ZBTB44: variants seen among roughly 807,000 people sequenced by gnomAD.
ZBTB44 encodes zinc finger and BTB domain containing 44.
Under a neutral mutation model 54.0 loss-of-function variants are expected in ZBTB44, and 15 were observed. That is an observed-to-expected ratio of 0.28 (90% confidence interval 0.19 to 0.43). The LOEUF is 0.43. ZBTB44 is among the 20% of genes least tolerant of loss of function. ZBTB44 has a pLI of 1.00. For synonymous variants in ZBTB44, 230 were observed against 250.1 expected (o/e 0.92, Z 0.76); for missense variants, 487 against 707.1 (o/e 0.69, Z 3.53).
rs1370429200 is a variant in ZBTB44, at chr11:130,314,495, C to T, written c.-177G>A. On this transcript the variant is annotated 5_prime_UTR_variant, in exon 1 of 8. Coordinates refer to ENST00000357899, the MANE Select transcript of ZBTB44 (RefSeq NM_001301098.2). Reference sequence around the variant, plus strand: ...GAGGGGGCGGAGCGCGGCTCGCTGCCTCTCTCCTCCCCCGGGAGGCTCAGG... The same window carrying T: ...GAGGGGGCGGAGCGCGGCTCGCTGCTTCTCTCCTCCCCCGGGAGGCTCAGG... 9.3e-5 allele frequency: 14 copies of T among 150,540 alleles called. No individual in the cohort carries two copies. Among genetic ancestry groups the T allele is most frequent in the African/African-American group, 3.5e-4 (14 of 40,514 alleles). 9.3% of individuals were successfully genotyped at this position (150,540 alleles called of 1,614,324 possible). A position where few individuals can be genotyped will look rare whatever the true frequency, so the allele number is the denominator to read the frequency against.
At chr11:130,268,918 T>C (rs1939468922) in intron 1 of ZBTB44, among the ~76,000 whole-genome samples, 1 of 150,606 alleles carries the variant, frequency 6.6e-6, no homozygotes, top group South Asian at 2.1e-4. Flanking sequence ...AAAAAGAAAA[T>C]GTCATACATA....
intron 1 of ZBTB44, among the ~76,000 whole-genome samples, chr11:130,293,063 C>G (rs1439328380): frequency 6.6e-6 from 1 of 152,120 alleles, no homozygotes; most frequent in Admixed American, 6.6e-5. Context: ...CTGAACACTA[C>G]TGAAAGTGTT....
rs184408870 is a variant in ZBTB44 at position 130,233,687 on chromosome 11, T to A, written c.1687-305A>T. 5.0e-3 allele frequency: 6,202 copies of A among 1,241,904 alleles called. 29 individuals are homozygous for A. Among genetic ancestry groups the A allele is most frequent in the African/African-American group, 0.019 (1,212 of 64,396 alleles). The allele number at this position is 1,241,904 out of a possible 1,614,324, so 76.9% of individuals were successfully genotyped here. On this transcript the variant is annotated intron_variant, in intron 6 of 7. Coordinates refer to ENST00000357899, the MANE Select transcript of ZBTB44 (RefSeq NM_001301098.2). ...ATCTGATTTCCTCTCTAGCTAATGA[T>A]CTGTTGTTAGCCTACTTTTAACAAT...
chr11:130,242,667 TC>T (rs1473787965), intron 2 of ZBTB44, among the ~76,000 whole-genome samples: 1 of 152,230 alleles, frequency 6.6e-6, no homozygotes, highest in African/African-American at 2.4e-5. Flanking sequence ...GAGGATATCA[TC>T]CCACTGGTTT....
chr11:130,286,196 C>G (rs1765874194), intron 1 of ZBTB44, among the ~76,000 whole-genome samples: 1 of 151,966 alleles, frequency 6.6e-6, no homozygotes, highest in Non-Finnish European at 1.5e-5. Context: ...AAAAAATCAC[C>G]AATGGGCCAG....
At chr11:130,259,928 T>C (rs1938733345) in intron 2 of ZBTB44, among the ~76,000 whole-genome samples, 1 of 151,722 alleles carries the variant, frequency 6.6e-6, no homozygotes, top group African/African-American at 2.4e-5. Flanking sequence ...GTTCTGCACA[T>C]GTACCCCAGA....
In ZBTB44 at chr11:130,229,954, A is replaced by T. The variant is rs1373597377; in HGVS notation, c.*1810T>A. On this transcript the variant is annotated 3_prime_UTR_variant, in exon 8 of 8. Coordinates refer to ENST00000357899, the MANE Select transcript of ZBTB44 (RefSeq NM_001301098.2). ...ACTTGGATGTGTATTTCAGAATTAC[A>T]GCTTCATACTTTGCAGATGACTGAA... 6.6e-6 allele frequency: 1 copy of T among 152,096 alleles called. No homozygotes were observed. Among genetic ancestry groups the T allele is most frequent in the Non-Finnish European group, 1.5e-5 (1 of 67,976 alleles). 9.4% of individuals were successfully genotyped at this position (152,096 alleles called of 1,614,324 possible). A position where few individuals can be genotyped will look rare whatever the true frequency, so the allele number is the denominator to read the frequency against.
At chr11:130,296,913 A>C in intron 1 of ZBTB44, 1 of 733,376 alleles carries the variant, frequency 1.4e-6, no homozygotes, top group Non-Finnish European at 2.5e-6. Flanking sequence ...TGTTGATCTG[A>C]ATGTCAATGG....
chr11:130,269,062 G>A (rs1459450040), intron 1 of ZBTB44, among the ~76,000 whole-genome samples: 5 of 150,778 alleles, frequency 3.3e-5, no homozygotes, highest in African/African-American at 1.2e-4. Flanking sequence ...AGGCCAAAGC[G>A]GGTGGATCAC....
At chr11:130,244,841 T>C (rs1233192605) in intron 2 of ZBTB44, among the ~76,000 whole-genome samples, 1 of 152,150 alleles carries the variant, frequency 6.6e-6, no homozygotes, top group East Asian at 1.9e-4. Flanking sequence ...AACACTTGAA[T>C]TGCTGTCATT....
chr11:130,241,629 A>G (rs1954366306), intron 2 of ZBTB44, among the ~76,000 whole-genome samples: 2 of 152,108 alleles, frequency 1.3e-5, no homozygotes, highest in South Asian at 2.1e-4. Context: ...ACATACTACA[A>G]ATATCTTTCC....
intron 1 of ZBTB44, among the ~76,000 whole-genome samples, chr11:130,263,841 T>C (rs1939055968): frequency 6.6e-6 from 1 of 152,216 alleles, no homozygotes; most frequent in South Asian, 2.1e-4. Context: ...CTTACTCCCC[T>C]GCAGGGAAAG....
intron 1 of ZBTB44, among the ~76,000 whole-genome samples, chr11:130,294,290 C>A (rs1463264338): frequency 6.6e-6 from 1 of 151,666 alleles, no homozygotes; most frequent in African/African-American, 2.4e-5. Flanking sequence ...ACGCCTGTAA[C>A]CCCAGCTACT....
At chr11:130,274,900 C>G (rs745741633) in intron 1 of ZBTB44, among the ~76,000 whole-genome samples, 2 of 152,082 alleles carry the variant, frequency 1.3e-5, no homozygotes, top group Non-Finnish European at 2.9e-5. Flanking sequence ...CAGTTCCCTC[C>G]CCTCCCGTTT....
At chr11:130,243,602 T>C (rs2136311243) in intron 2 of ZBTB44, among the ~76,000 whole-genome samples, 1 of 152,338 alleles carries the variant, frequency 6.6e-6, no homozygotes, top group Admixed American at 6.5e-5. Context: ...AGGGAGCAGG[T>C]TTAGTTCTGA....
intron 1 of ZBTB44, among the ~76,000 whole-genome samples, chr11:130,262,265 G>A (rs1254165267): frequency 6.6e-6 from 1 of 152,104 alleles, no homozygotes; most frequent in African/African-American, 2.4e-5. Flanking sequence ...TCAGCCTCCC[G>A]AGTAGCTGGG....
intron 1 of ZBTB44, chr11:130,296,524 A>G: frequency 2.3e-6 from 2 of 885,582 alleles, no homozygotes; most frequent in South Asian, 1.5e-5. Flanking sequence ...ACATTCCTCA[A>G]GTCAACTGGA....
At position 130,233,326 on chromosome 11, in the gene ZBTB44, T is replaced by C. The variant is rs1953957936; in HGVS notation, c.*30A>G. 6.5e-7 allele frequency: 1 copy of C among 1,531,676 alleles called. No individual in the cohort carries two copies. The highest frequency in any genetic ancestry group is 2.0e-5 in the Admixed American group (1 of 50,894). 94.9% of individuals were successfully genotyped at this position (1,531,676 alleles called of 1,614,324 possible). A position where few individuals can be genotyped will look rare whatever the true frequency, so the allele number is the denominator to read the frequency against. On this transcript the variant is annotated 3_prime_UTR_variant, in exon 7 of 8. Transcript: ENST00000357899. ...TACATACTTCATTCTCCGTTCCTGG[T>C]CATTTCATCCACAGCTTGACTGTTG...
rs541744199 is a variant in ZBTB44, at chr11:130,228,640, T to C, written c.*3124A>G. On this transcript the variant is annotated 3_prime_UTR_variant, in exon 8 of 8. Transcript: ENST00000357899. ...ACAGGGCTCCCTTAAAGCAGGAAGA[T>C]TTATCCTTCCTCAGCAGGTGATGTA... 33 of 152,308 alleles carry C rather than the reference T, an allele frequency of 2.2e-4. No individual in the cohort carries two copies. Among genetic ancestry groups the C allele is most frequent in the African/African-American group, 7.9e-4 (33 of 41,566 alleles). 9.4% of individuals were successfully genotyped at this position (152,308 alleles called of 1,614,324 possible).
Sources: gnomAD v4.1 joint callset for allele counts (sites outside exome capture counted in the v4.1 genomes callset) on GRCh38, gnomAD v4.1.1 for gene constraint, MANE v1.5 for transcripts, NCBI Gene and HGNC (gene_info 2026-07-23, HGNC 2026-07-21) for gene names.